ZNF347: variants seen among roughly 807,000 people sequenced by gnomAD.
ZNF347 encodes zinc finger protein 347, also known as CTD-2620I22.7.
A neutral mutation model predicts 12.9 loss-of-function variants in ZNF347; 19 were observed. The observed-to-expected ratio is 1.47, with a 90% CI of 1.03 to 2.16. ZNF347 has a LOEUF of 2.16. ZNF347 is among the 30% of genes most tolerant of loss of function. The probability of loss-of-function intolerance (pLI) is 0.00; values close to 1 mark genes in which losing one functional copy is unlikely to be tolerated. For synonymous variants in ZNF347, 328 were observed against 340.6 expected (o/e 0.96, Z 0.41); for missense variants, 1,005 against 990.6 (o/e 1.01, Z -0.19).
intron 2 of ZNF347, among the ~76,000 whole-genome samples, chr19:53,152,755 C>A (rs994290347): frequency 6.6e-6 from 1 of 151,526 alleles, no homozygotes; most frequent in African/African-American, 2.4e-5. Context: ...ACAGTGAAAC[C>A]CCGTCTCTAT....
At position 53,141,742 on chromosome 19, in the gene ZNF347, T is replaced by C. The variant is rs751665079; in HGVS notation, c.1086A>G (p.Arg362=). The change falls in exon 5 of 5, where the codon AGA becomes AGG. Residue 362 remains arginine (R), a synonymous_variant. Coordinates refer to ENST00000334197, the MANE Select transcript of ZNF347 (RefSeq NM_032584.3). ...TCTCTCCAGTATGAATTCCTCGATG[T>C]CTTACAAGGTGTGAATTCTGAGTGA... The part of the protein sequence containing the change: ...KVFTQNSHLV[R]HRGIHTGEKP... 1.9e-6 allele frequency: 3 copies of C among 1,613,376 alleles called. No individual in the cohort carries two copies. The highest frequency in any genetic ancestry group is 2.5e-6 in the Non-Finnish European group (3 of 1,179,698).
In ZNF347 at chr19:53,136,579, GA is replaced by G. The variant is rs59436544; in HGVS notation, c.*3728del. 0.23 allele frequency: 30,218 copies of G among 133,570 alleles called. 3,380 individuals carry two copies. Among genetic ancestry groups the G allele is most frequent in the South Asian group, 0.31 (1,336 of 4,368 alleles). 8.3% of individuals were successfully genotyped at this position (133,570 alleles called of 1,614,324 possible). A position where few individuals can be genotyped will look rare whatever the true frequency, so the allele number is the denominator to read the frequency against. ...GAGACCCCACGTCTAAAAAGAAAAA[GA>G]AAAAAAAAAAGAAAAGAAGCTATGG... On this transcript the variant is annotated 3_prime_UTR_variant, in exon 5 of 5. Coordinates refer to ENST00000334197, the MANE Select transcript of ZNF347 (RefSeq NM_032584.3).
intron 1 of ZNF347, among the ~76,000 whole-genome samples, chr19:53,156,052 G>A (rs971199885): frequency 7.2e-6 from 1 of 138,518 alleles, no homozygotes; most frequent in Non-Finnish European, 1.6e-5. Context: ...GCTCGGGGGG[G>A]GGGGGGGGTT....
In ZNF347 at chr19:53,140,674, A is replaced by G; in HGVS notation, c.2154T>C (p.Phe718=). The change falls in exon 5 of 5, where the codon TTT becomes TTC. Residue 718 remains phenylalanine (F), a synonymous_variant. Coordinates refer to ENST00000334197, the MANE Select transcript of ZNF347 (RefSeq NM_032584.3). ...GGGTAGTTAGGCTTGAACGGACACT[A>G]AAGGCTTTCCCACACTGATTACACT... The part of the protein sequence containing the change: ...PYECNQCGKA[F]SVRSSLTTHQ... 6.2e-7 allele frequency: 1 copy of G among 1,613,544 alleles called. No individual in the cohort carries two copies. Among genetic ancestry groups the G allele is most frequent in the South Asian group, 1.1e-5 (1 of 91,052 alleles).
chr19:53,156,602 T>A (rs1438478938), intron 1 of ZNF347, among the ~76,000 whole-genome samples: 2 of 152,190 alleles, frequency 1.3e-5, no homozygotes, highest in South Asian at 4.1e-4. Flanking sequence ...TGACTGTTCA[T>A]CTGTATCTTC....
rs1386386141 is a variant in ZNF347 at position 53,146,506 on chromosome 19, C to T, written c.271+2175G>A. ...TGCCCAGGCTGGTTTGAACTCCCCG[C>T]CTCAAGCAATTCTCCTTTCTCAGTC... On this transcript the variant is annotated intron_variant, in intron 4 of 4. Transcript: ENST00000334197. 2.0e-5 allele frequency among the ~76,000 whole-genome samples: 3 copies of T among 152,134 alleles called. No homozygotes were observed. In the East Asian group the frequency reaches 5.8e-4, roughly 30 times the overall value.
At position 53,140,098 on chromosome 19, in the gene ZNF347, C is replaced by T. The variant is rs950099182; in HGVS notation, c.*210G>A. 3.0e-5 allele frequency: 15 copies of T among 500,748 alleles called. No homozygotes were observed. Among genetic ancestry groups the T allele is most frequent in the Non-Finnish European group, 5.2e-5 (15 of 287,868 alleles). 31.0% of individuals were successfully genotyped at this position (500,748 alleles called of 1,614,324 possible). A position where few individuals can be genotyped will look rare whatever the true frequency, so the allele number is the denominator to read the frequency against. ...TACTTTTAGTAGAAATGGGGTTTCG[C>T]CATGTTGGTCAGGCTGGTCTTGAAC... On this transcript the variant is annotated 3_prime_UTR_variant, in exon 5 of 5. Transcript: ENST00000334197.
At chr19:53,145,159 C>T (rs2090454661) in intron 4 of ZNF347, among the ~76,000 whole-genome samples, 1 of 151,634 alleles carries the variant, frequency 6.6e-6, no homozygotes, top group South Asian at 2.1e-4. Flanking sequence ...GGCGTGGTGG[C>T]ACACGCCTAT....
chr19:53,144,809 G>A (rs2090452306), intron 4 of ZNF347, among the ~76,000 whole-genome samples: 1 of 152,072 alleles, frequency 6.6e-6, no homozygotes, highest in Non-Finnish European at 1.5e-5. Flanking sequence ...GACGTTTACA[G>A]ACCATTTTAT....
At chr19:53,142,852 T>C (rs923598877) in intron 4 of ZNF347, among the ~76,000 whole-genome samples, 1 of 152,168 alleles carries the variant, frequency 6.6e-6, no homozygotes, top group African/African-American at 2.4e-5. Flanking sequence ...AGAGAAAGTC[T>C]TCCCCAGACA....
chr19:53,135,068 C>T lies in ZNF347; in HGVS notation c.*5240G>A, dbSNP rs1409952060. The T allele has an allele frequency of 6.6e-6, 1 of 151,916 alleles. No homozygotes were observed. Among genetic ancestry groups the T allele is most frequent in the Non-Finnish European group, 1.5e-5 (1 of 67,992 alleles). 9.4% of individuals were successfully genotyped at this position (151,916 alleles called of 1,614,324 possible). A position where few individuals can be genotyped will look rare whatever the true frequency, so the allele number is the denominator to read the frequency against. ...GTGAGTAAAGGACAAAAATAACTAG[C>T]ATTGTTACTGTAGCATCATCATTAA... On this transcript the variant is annotated 3_prime_UTR_variant, in exon 5 of 5. Transcript: ENST00000334197.
chr19:53,149,141 A>G, intron 3 of ZNF347, 100 bp downstream of exon 3: 1 of 1,565,774 alleles, frequency 6.4e-7, no homozygotes, highest in Non-Finnish European at 8.6e-7. Flanking sequence ...ACACAGCTTC[A>G]GTCTCAGCCA....
chr19:53,140,549 G>C lies in ZNF347; in HGVS notation c.2279C>G (p.Thr760Ser), dbSNP rs373028957. The change falls in exon 5 of 5, where the codon ACT (threonine) becomes AGT (serine). Residue 760 changes from threonine to serine, a missense_variant. Transcript: ENST00000334197. ...SHLARHRGIH[T>S]GEKPYKCNEC... is the part of the protein sequence containing the mutation. Reference sequence around the variant, plus strand: ...ATTACACTTGTAAGGTTTCTCTCCAGTATGAATTCCCCGATGTCTTGCAAG... The same window carrying C: ...ATTACACTTGTAAGGTTTCTCTCCACTATGAATTCCCCGATGTCTTGCAAG... 8 of 1,613,784 alleles carry C rather than the reference G, an allele frequency of 5.0e-6. No individual in the cohort carries two copies. The African/African-American group carries it at 8.0e-5, about 16-fold the overall frequency.
intron 2 of ZNF347, among the ~76,000 whole-genome samples, chr19:53,151,317 C>T (rs796513967): frequency 1.3e-5 from 2 of 151,946 alleles, no homozygotes; most frequent in African/African-American, 4.8e-5. Flanking sequence ...AGGCAGATCA[C>T]GAGGTCAGGA....
rs779112687 is a variant in ZNF347 at position 53,148,744 on chromosome 19, C to T, written c.208G>A (p.Glu70Lys). 19 of 1,613,614 alleles carry T rather than the reference C, an allele frequency of 1.2e-5. No homozygotes were observed. The East Asian group carries it at 3.8e-4, about 32-fold the overall frequency. The change falls in exon 4 of 5, where the codon GAG (glutamate) becomes AAG (lysine). Residue 70 changes from glutamate to lysine, a missense_variant. Glu to Lys is a moderately conservative substitution (Grantham distance 56). Transcript: ENST00000334197. ...TTTCCTGCTATTTGTACTTGGCTCT[C>T]CAAAGTGAAAGGCTCCTTCCCTTGC... ...LEQGKEPFTL[E>K]SQVQIAGNPD...
Position 53,156,289 on chromosome 19 carries a change from C to T in ZNF347, c.-46-2496G>A, listed in dbSNP as rs565027864. ...TGGTGCACACCTGTAATCCCAGCTA[C>T]TTGGGAGGCTGAGGCAGGCAGGAGA... On this transcript the variant is annotated intron_variant, in intron 1 of 4. Coordinates refer to ENST00000334197, the MANE Select transcript of ZNF347 (RefSeq NM_032584.3). 3.1e-4 allele frequency among the ~76,000 whole-genome samples: 32 copies of T among 101,716 alleles called. No individual in the cohort carries two copies. The South Asian group carries it at 0.014, about 44-fold the overall frequency. 66.7% of individuals were successfully genotyped at this position (101,716 alleles called of 152,430 possible).
chr19:53,155,338 G>GTGTGTT (rs2090526398), intron 1 of ZNF347, among the ~76,000 whole-genome samples: 5 of 146,102 alleles, frequency 3.4e-5, no homozygotes, highest in African/African-American at 1.3e-4. Context: ...GTGTGTGTTT[G>GTGTGTT]TTTTTTGTTT....
chr19:53,148,298 T>C (rs768154716), intron 4 of ZNF347, among the ~76,000 whole-genome samples: 4 of 152,202 alleles, frequency 2.6e-5, no homozygotes, highest in Non-Finnish European at 5.9e-5. Context: ...TAGCTAACTA[T>C]ATAGAATTTG....
rs571026353 is a variant in ZNF347, at chr19:53,134,955, T to C, written c.*5353A>G. 1 of 152,168 alleles carries C rather than the reference T, an allele frequency of 6.6e-6. No individual in the cohort carries two copies. The highest frequency in any genetic ancestry group is 1.5e-5 in the Non-Finnish European group (1 of 68,038). 9.4% of individuals were successfully genotyped at this position (152,168 alleles called of 1,614,324 possible). A position where few individuals can be genotyped will look rare whatever the true frequency, so the allele number is the denominator to read the frequency against. ...CTTAATTGATCTATAAAAATATAGA[T>C]TTAATACAAAGTTACCACAATCACA... On this transcript the variant is annotated 3_prime_UTR_variant, in exon 5 of 5. Transcript: ENST00000334197.
Sources: allele counts gnomAD v4.1 joint callset (sites outside exome capture counted in the v4.1 genomes callset), GRCh38; gene constraint gnomAD v4.1.1; transcripts MANE v1.5; gene names NCBI Gene and HGNC (gene_info 2026-07-23, HGNC 2026-07-21).